CPEB3: variants seen among roughly 807,000 people sequenced by gnomAD.
CPEB3 encodes cytoplasmic polyadenylation element binding protein 3.
A neutral mutation model predicts 67.2 loss-of-function variants in CPEB3; 20 were observed. That is an observed-to-expected ratio of 0.30 (90% CI 0.21 to 0.43). CPEB3 has a LOEUF of 0.43. CPEB3 is among the 20% of genes least tolerant of loss of function. The pLI, the probability that CPEB3 is intolerant of heterozygous loss-of-function variation, is 1.00. For synonymous variants in CPEB3, 376 were observed against 393.1 expected, an observed-to-expected ratio of 0.96 and a Z score of 0.51; for missense variants, 746 against 968.6, an observed-to-expected ratio of 0.77 and a Z score of 3.05.
intron 6 of CPEB3, among the ~76,000 whole-genome samples, chr10:92,134,078 C>A (rs1845973723): frequency 6.6e-6 from 1 of 152,158 alleles, no homozygotes; most frequent in African/African-American, 2.4e-5. Flanking sequence ...ATGGGAAAAA[C>A]TGGAAGCATT....
At chr10:92,219,443 A>G (rs1009897276) in intron 2 of CPEB3, among the ~76,000 whole-genome samples, 6 of 152,206 alleles carry the variant, frequency 3.9e-5, no homozygotes, top group Admixed American at 3.9e-4. Flanking sequence ...GTATGCTTCA[A>G]CCTTCCATTA....
chr10:92,233,257 G>A (rs972418370), intron 2 of CPEB3, among the ~76,000 whole-genome samples: 6 of 152,038 alleles, frequency 3.9e-5, no homozygotes, highest in Admixed American at 6.6e-5. Context: ...GGCCAGATGC[G>A]GTGGCTCACA....
chr10:92,185,024 A>T (rs1244392916), intron 3 of CPEB3, among the ~76,000 whole-genome samples: 4 of 152,244 alleles, frequency 2.6e-5, no homozygotes, highest in Admixed American at 1.3e-4. Flanking sequence ...ATATAACAGC[A>T]AAAGAAAAAC....
At chr10:92,112,528 A>G (rs186266992) in intron 6 of CPEB3, among the ~76,000 whole-genome samples, 4 of 152,334 alleles carry the variant, frequency 2.6e-5, no homozygotes, top group Non-Finnish European at 4.4e-5. Flanking sequence ...GCTGAGGGAG[A>G]TAAGTGGGGA....
intron 8 of CPEB3, among the ~76,000 whole-genome samples, chr10:92,086,565 G>A (rs978559921): frequency 2.0e-5 from 3 of 152,126 alleles, no homozygotes; most frequent in Admixed American, 6.6e-5. Context: ...TCATCATCTC[G>A]AAAGCGCAGT....
intron 2 of CPEB3, among the ~76,000 whole-genome samples, chr10:92,203,526 ATATT>A (rs1239783578): frequency 9.2e-6 from 1 of 109,026 alleles, no homozygotes; most frequent in Non-Finnish European, 1.7e-5. Context: ...ATATATATAT[ATATT>A]TTTTTTTTAG....
chr10:92,268,231 C>T (rs1386643169), intron 1 of CPEB3, among the ~76,000 whole-genome samples: 1 of 152,156 alleles, frequency 6.6e-6, no homozygotes, highest in African/African-American at 2.4e-5. Context: ...ATTTTTTCCT[C>T]TCTTCCTAGT....
At chr10:92,284,911 T>C (rs1286171489) in intron 1 of CPEB3, among the ~76,000 whole-genome samples, 1 of 152,236 alleles carries the variant, frequency 6.6e-6, no homozygotes, top group Non-Finnish European at 1.5e-5. Context: ...TAACCAGTTG[T>C]CTTCGTCCAT....
chr10:92,085,056 G>A (rs1046454287), intron 8 of CPEB3, among the ~76,000 whole-genome samples: 10 of 152,108 alleles, frequency 6.6e-5, no homozygotes, highest in African/African-American at 2.2e-4. Context: ...AGAATTTCTA[G>A]TCCTCATTTG....
intron 2 of CPEB3, among the ~76,000 whole-genome samples, chr10:92,203,968 T>C (rs964395096): frequency 6.6e-6 from 1 of 152,206 alleles, no homozygotes; most frequent in Non-Finnish European, 1.5e-5. Flanking sequence ...AAGCAATTAT[T>C]AACCATATTA....
chr10:92,280,667 A>C (rs1217365028), intron 1 of CPEB3, among the ~76,000 whole-genome samples: 2 of 150,086 alleles, frequency 1.3e-5, no homozygotes, highest in East Asian at 1.9e-4. Context: ...AAAAAAAAAA[A>C]AAAACCAAAC....
chr10:92,060,897 C>G (rs1444657207), intron 9 of CPEB3, among the ~76,000 whole-genome samples: 1 of 152,042 alleles, frequency 6.6e-6, no homozygotes, highest in Non-Finnish European at 1.5e-5. Flanking sequence ...AAAAGGGAAC[C>G]CTTGTACACT....
intron 2 of CPEB3, among the ~76,000 whole-genome samples, chr10:92,200,062 C>T (rs1590368947): frequency 6.6e-6 from 1 of 152,266 alleles, no homozygotes; most frequent in Middle Eastern, 3.4e-3. Flanking sequence ...CCTTCAGTCA[C>T]TCAATGGCAA....
chr10:92,285,098 G>C (rs1443253867), intron 1 of CPEB3, among the ~76,000 whole-genome samples: 5 of 152,202 alleles, frequency 3.3e-5, no homozygotes, highest in Non-Finnish European at 5.9e-5. Context: ...GCAAGACAGA[G>C]AGCAAGAGAA....
chr10:92,118,816 C>T, intron 6 of CPEB3: 1 of 766,264 alleles, frequency 1.3e-6, no homozygotes, highest in East Asian at 2.4e-5. Flanking sequence ...CTGTATCTCC[C>T]CACGTCACTA....
chr10:92,259,111 C>A (rs544012670), intron 1 of CPEB3, among the ~76,000 whole-genome samples: 3 of 151,666 alleles, frequency 2.0e-5, no homozygotes, highest in African/African-American at 7.3e-5. Context: ...TACAGGTACA[C>A]GCCATCATGC....
chr10:92,104,134 A>AT (rs34535565), intron 7 of CPEB3, among the ~76,000 whole-genome samples: 10,590 of 152,282 alleles, frequency 0.07, 564 homozygotes, highest in Non-Finnish European at 0.1. Flanking sequence ...TTCTCAAATG[A>AT]TTTTGGCTAA....
At chr10:92,284,280 G>A (rs1355245236) in intron 1 of CPEB3, among the ~76,000 whole-genome samples, 4 of 147,930 alleles carry the variant, frequency 2.7e-5, no homozygotes, top group Non-Finnish European at 6.0e-5. Context: ...CTCGTCATCC[G>A]CCCGCCTCAG....
chr10:92,158,952 G>A (rs908542764), intron 4 of CPEB3, among the ~76,000 whole-genome samples: 1 of 152,120 alleles, frequency 6.6e-6, no homozygotes, highest in Admixed American at 6.6e-5. Context: ...ATGATTTAGA[G>A]CTTAATCCAT....
Sources: allele counts gnomAD v4.1 joint callset (sites outside exome capture counted in the v4.1 genomes callset), GRCh38; gene constraint gnomAD v4.1.1; transcripts MANE v1.5; gene names NCBI Gene and HGNC (gene_info 2026-07-23, HGNC 2026-07-21).